CACNA1A: variants seen among roughly 807,000 people sequenced by gnomAD.
CACNA1A encodes the protein calcium voltage-gated channel subunit alpha1 A.
In CACNA1A, 57 loss-of-function variants were observed where a neutral mutation model predicts 262.4. The observed-to-expected ratio is 0.22, with a 90% CI of 0.18 to 0.27. The LOEUF is 0.27. CACNA1A is among the 10% of genes least tolerant of loss of function. The pLI is 1.00. For synonymous variants in CACNA1A, 1,431 were observed against 1,419.3 expected (o/e 1.01, Z -0.18); for missense variants, 2,526 against 3,562.8 (o/e 0.71, Z 7.41).
At chr19:13,427,828 A>C (rs1031021450) in intron 3 of CACNA1A, among the ~76,000 whole-genome samples, 1 of 152,192 alleles carries the variant, frequency 6.6e-6, no homozygotes, top group Non-Finnish European at 1.5e-5. Context: ...CTCTGGGATC[A>C]CACTCCTGGG....
At chr19:13,235,947 A>T in intron 31 of CACNA1A, 1 of 495,732 alleles carries the variant, frequency 2.0e-6, no homozygotes, top group Non-Finnish European at 3.6e-6. Flanking sequence ...GAGGGAGGAA[A>T]AGGCATCAAC....
chr19:13,429,027 C>G (rs543988660), intron 3 of CACNA1A, among the ~76,000 whole-genome samples: 82 of 152,166 alleles, frequency 5.4e-4, no homozygotes, highest in African/African-American at 1.9e-3. Context: ...TGAATCCCCC[C>G]ACCACCTTGA....
chr19:13,314,946 T>C (rs992424440), intron 11 of CACNA1A, among the ~76,000 whole-genome samples: 3 of 152,154 alleles, frequency 2.0e-5, no homozygotes, highest in Admixed American at 6.5e-5. Flanking sequence ...GAAGTAACTC[T>C]GGGAGGACTG....
intron 11 of CACNA1A, among the ~76,000 whole-genome samples, chr19:13,314,775 T>C (rs2058093207): frequency 6.6e-6 from 1 of 152,226 alleles, no homozygotes; most frequent in Non-Finnish European, 1.5e-5. Context: ...TGTTTTGAAC[T>C]GACCGTCAAA....
chr19:13,460,080 C>T (rs1169363341), intron 1 of CACNA1A, among the ~76,000 whole-genome samples: 1 of 152,184 alleles, frequency 6.6e-6, no homozygotes, highest in Non-Finnish European at 1.5e-5. Context: ...CGCACCCCCG[C>T]AAGTGTCCAC....
chr19:13,466,481 C>T (rs1331041180), intron 1 of CACNA1A, among the ~76,000 whole-genome samples: 1 of 151,990 alleles, frequency 6.6e-6, no homozygotes, highest in Non-Finnish European at 1.5e-5. Flanking sequence ...GCTGGGACTG[C>T]AGGCACCCAC....
chr19:13,322,091 A>G (rs1021650984), intron 10 of CACNA1A, among the ~76,000 whole-genome samples: 4 of 150,846 alleles, frequency 2.7e-5, no homozygotes, highest in Non-Finnish European at 4.4e-5. Flanking sequence ...AATCCCAGCT[A>G]CTCGGGAGGC....
In CACNA1A at chr19:13,262,917, GACCCTACCCTCCCAGGC is replaced by G. The variant is rs2056771251; in HGVS notation, c.3990-101_3990-85del. The G allele has an allele frequency of 9.3e-6, 8 of 862,432 alleles. No homozygotes were observed. In the South Asian group the frequency reaches 1.1e-4, roughly 12 times the overall value. 53.4% of individuals were successfully genotyped at this position (862,432 alleles called of 1,614,324 possible). A position where few individuals can be genotyped will look rare whatever the true frequency, so the allele number is the denominator to read the frequency against. ...TAGGGGGCAGCCCACAGCTCCATGG[GACCCTACCCTCCCAGGC>G]CTAGAAGTCTGGGGTGAGCTTGGCA... is the stretch of plus-strand genomic sequence containing the variant. On this transcript the variant is annotated intron_variant, in intron 24 of 46. Transcript: ENST00000360228.
At chr19:13,497,529 T>A (rs1489159320) in intron 1 of CACNA1A, among the ~76,000 whole-genome samples, 12 of 1,098 alleles carry the variant, frequency 0.011, 1 homozygote, top group South Asian at 0.1. Context: ...AAAATATATA[T>A]ATATATATAT....
At chr19:13,409,137 TC>T (rs2060064316) in intron 3 of CACNA1A, among the ~76,000 whole-genome samples, 1 of 152,096 alleles carries the variant, frequency 6.6e-6, no homozygotes. Flanking sequence ...TAGAGACAGG[TC>T]CATTGATACA....
At chr19:13,477,421 G>A (rs1005665872) in intron 1 of CACNA1A, among the ~76,000 whole-genome samples, 2 of 152,324 alleles carry the variant, frequency 1.3e-5, no homozygotes, top group South Asian at 4.1e-4. Flanking sequence ...GTGTCTTGAA[G>A]AGTGCCTTGG....
chr19:13,397,519 A>T (rs2059829361), intron 3 of CACNA1A, among the ~76,000 whole-genome samples: 1 of 152,174 alleles, frequency 6.6e-6, no homozygotes, highest in African/African-American at 2.4e-5. Flanking sequence ...CTCAGTGAGG[A>T]CCCACGCAGA....
At position 13,356,218 on chromosome 19, in the gene CACNA1A, G is replaced by C. The variant is rs1003794781; in HGVS notation, c.978+3388C>G. On this transcript the variant is annotated intron_variant, in intron 6 of 46. Coordinates refer to ENST00000360228, the MANE Select transcript of CACNA1A (RefSeq NM_001127222.2). The stretch of plus-strand genomic sequence containing the variant: ...CATTTCTAAAAGGAACACCATGCAG[G>C]GTGGGGAATTTGACTTACACGGAGG... Among the ~76,000 whole-genome samples, 3 of 152,290 alleles carry C rather than the reference G, an allele frequency of 2.0e-5. No homozygotes were observed. In the South Asian group the frequency reaches 6.2e-4, roughly 32 times the overall value.
In CACNA1A at chr19:13,423,660, C is replaced by A. The variant is rs111386494; in HGVS notation, c.539+29216G>T. 4.0e-3 allele frequency among the ~76,000 whole-genome samples: 601 copies of A among 152,084 alleles called. 4 individuals are homozygous for A. The highest frequency in any genetic ancestry group is 0.014 in the African/African-American group (578 of 41,498). On this transcript the variant is annotated intron_variant, in intron 3 of 46. Coordinates refer to ENST00000360228, the MANE Select transcript of CACNA1A (RefSeq NM_001127222.2). ...CCCAAGTAGCTGGGATACAGGCATG[C>A]ACCACCACGCCTGGTTAATTTTTGT... is the stretch of plus-strand genomic sequence containing the variant.
At position 13,333,069 on chromosome 19, in the gene CACNA1A, T is replaced by C. The variant is rs1600353893; in HGVS notation, c.1199-144A>G. 8.1e-6 allele frequency: 5 copies of C among 617,004 alleles called. No individual in the cohort carries two copies. In the East Asian group the frequency reaches 1.4e-4, roughly 17 times the overall value. 38.2% of individuals were successfully genotyped at this position (617,004 alleles called of 1,614,324 possible). On this transcript the variant is annotated intron_variant, in intron 8 of 46. Coordinates refer to ENST00000360228, the MANE Select transcript of CACNA1A (RefSeq NM_001127222.2). ...ACCGACCAAAAAACATGCTGCTGGGTGGTTTGTGACTTCAAGCCCCACCTC... is the reference window on the plus strand; with the variant it reads ...ACCGACCAAAAAACATGCTGCTGGGCGGTTTGTGACTTCAAGCCCCACCTC...
intron 1 of CACNA1A, among the ~76,000 whole-genome samples, chr19:13,466,069 A>G (rs1484893600): frequency 2.0e-5 from 3 of 152,080 alleles, no homozygotes; most frequent in Non-Finnish European, 4.4e-5. Context: ...GGTGGTGAAA[A>G]TGTTCTGGAG....
chr19:13,210,418 G>A (rs1416080145), intron 44 of CACNA1A, among the ~76,000 whole-genome samples, 199 bp downstream of exon 44: 1 of 152,152 alleles, frequency 6.6e-6, no homozygotes, highest in Non-Finnish European at 1.5e-5. Flanking sequence ...GGATGGCCCC[G>A]CCCACCAGGG....
chr19:13,267,760 T>G (rs549662946), intron 24 of CACNA1A, among the ~76,000 whole-genome samples: 36 of 151,800 alleles, frequency 2.4e-4, no homozygotes, highest in Non-Finnish European at 1.5e-5. Context: ...CTGGACAACA[T>G]AGGGAGACCC....
chr19:13,255,013 G>A lies in CACNA1A; in HGVS notation c.4755+82C>T, dbSNP rs1023502240. On this transcript the variant is annotated intron_variant, in intron 29 of 46. Transcript: ENST00000360228. ...CAGAGTGTGGTCTGTCTGGGAAACT[G>A]CAGATGGTTTCATTTTATCAGGGTA... 9.7e-6 allele frequency: 14 copies of A among 1,446,424 alleles called. No homozygotes were observed. The African/African-American group carries it at 1.8e-4, about 19-fold the overall frequency. The allele number at this position is 1,446,424 out of a possible 1,614,324, so 89.6% of individuals were successfully genotyped here.
Sources: gnomAD v4.1 joint callset for allele counts (sites outside exome capture counted in the v4.1 genomes callset) on GRCh38, gnomAD v4.1.1 for gene constraint, MANE v1.5 for transcripts, NCBI Gene and HGNC (gene_info 2026-07-23, HGNC 2026-07-21) for gene names.